The following PTK7 variants were observed in gnomAD, a reference collection of about 807,000 sequenced individuals.
The protein encoded by PTK7 is protein tyrosine kinase 7 (inactive).
In PTK7, 39 loss-of-function variants were observed where a neutral mutation model predicts 116.6. The observed-to-expected ratio is 0.33, with a 90% CI of 0.26 to 0.44. PTK7 has a LOEUF of 0.44. Among genes scored for constraint, PTK7 ranks in the 20% least tolerant of loss-of-function variants. The pLI is 1.00. For missense variants in PTK7, 1,169 were observed against 1,425.6 expected (o/e 0.82, Z 2.90); for synonymous variants, 546 against 563.6 (o/e 0.97, Z 0.44).
chr6:43,103,789 C>T (rs1214676233), intron 1 of PTK7, among the ~76,000 whole-genome samples: 1 of 152,222 alleles, frequency 6.6e-6, no homozygotes, highest in African/African-American at 2.4e-5. Flanking sequence ...GGCAACTATT[C>T]CTGCTCCACC....
intron 1 of PTK7, among the ~76,000 whole-genome samples, chr6:43,084,354 G>A (rs1471406657): frequency 6.6e-6 from 1 of 152,144 alleles, no homozygotes; most frequent in Admixed American, 6.5e-5. Flanking sequence ...TGTTGCCCAG[G>A]CTGGTGTTGA....
chr6:43,146,862 A>C (rs969324752), intron 17 of PTK7, among the ~76,000 whole-genome samples, 164 bp downstream of exon 17: 1 of 152,196 alleles, frequency 6.6e-6, no homozygotes, highest in African/African-American at 2.4e-5. Context: ...ATATACTACT[A>C]TCCCCATTTT....
At chr6:43,091,783 C>T (rs1012351789) in intron 1 of PTK7, among the ~76,000 whole-genome samples, 9 of 152,178 alleles carry the variant, frequency 5.9e-5, no homozygotes, top group Admixed American at 3.9e-4. Flanking sequence ...CACTCCATCC[C>T]GCCCAGGACA....
At chr6:43,116,572 G>A (rs1232855984) in intron 1 of PTK7, among the ~76,000 whole-genome samples, 1 of 151,812 alleles carries the variant, frequency 6.6e-6, no homozygotes, top group Non-Finnish European at 1.5e-5. Context: ...TTGGGCTTGA[G>A]TGGAGGAGGA....
In PTK7 at chr6:43,101,272, G is replaced by A. The variant is rs1767564932; in HGVS notation, c.79+24705G>A. 3.6e-5 allele frequency among the ~76,000 whole-genome samples: 5 copies of A among 137,956 alleles called. No individual in the cohort carries two copies. In the South Asian group the frequency reaches 1.2e-3, roughly 33 times the overall value. The allele number at this position is 137,956 out of a possible 152,430, so 90.5% of individuals were successfully genotyped here. A position where few individuals can be genotyped will look rare whatever the true frequency, so the allele number is the denominator to read the frequency against. On this transcript the variant is annotated intron_variant, in intron 1 of 19. Coordinates refer to ENST00000230419, the MANE Select transcript of PTK7 (RefSeq NM_002821.5). ...GGCTGGGCGCGGTGGAAAGAAAGAG[G>A]CTGGGCGCGGTGGCTCACGCCTGTA...
At position 43,132,571 on chromosome 6, in the gene PTK7, A is replaced by G. The variant is rs779713220; in HGVS notation, c.1112A>G (p.Gln371Arg). The G allele has an allele frequency of 6.2e-7, 1 of 1,613,410 alleles. No individual in the cohort carries two copies. Reference protein sequence around the residue: ...VRLPTHGRVYQKGHELVLANI... With the variant: ...VRLPTHGRVYRKGHELVLANI... ...CTGCCCACCCATGGCAGGGTCTACCAGAAGGGCCACGAGCTGGTGTTGGCC... is the reference window on the plus strand; with the variant it reads ...CTGCCCACCCATGGCAGGGTCTACCGGAAGGGCCACGAGCTGGTGTTGGCC... The change falls in exon 7 of 20, where the codon CAG becomes CGG. Residue 371 changes from glutamine (Q) to arginine (R), a missense_variant. By Grantham distance (43) the Gln-to-Arg change is conservative (BLOSUM62 1). Around this residue, in one of 3 missense-constraint regions of PTK7, gnomAD observed 487 missense variants for 549.8 expected, o/e 0.89. Transcript: ENST00000230419.
At chr6:43,131,030 CACACACACA>C (rs1561966881) in intron 5 of PTK7, among the ~76,000 whole-genome samples, 21 of 9,106 alleles carry the variant, frequency 2.3e-3, no homozygotes, top group African/African-American at 7.2e-3. Context: ...GCAAAGACAT[CACACACACA>C]CACACACACA....
chr6:43,096,042 T>G (rs1767233183), intron 1 of PTK7, among the ~76,000 whole-genome samples: 1 of 152,212 alleles, frequency 6.6e-6, no homozygotes, highest in Non-Finnish European at 1.5e-5. Context: ...CGATTCCATA[T>G]TTGTATCCAC....
At position 43,129,383 on chromosome 6, in the gene PTK7, C is replaced by A; in HGVS notation, c.367+119C>A. 1.6e-6 allele frequency: 2 copies of A among 1,261,910 alleles called. No individual in the cohort carries two copies. Among genetic ancestry groups the A allele is most frequent in the Non-Finnish European group, 2.2e-6 (2 of 918,758 alleles). The allele number at this position is 1,261,910 out of a possible 1,614,324, so 78.2% of individuals were successfully genotyped here. ...CCAGTTAAACGGGCCAGGCAGAATG[C>A]ATTTATCATCAGCTTTTTTTGCTCA... On this transcript the variant is annotated intron_variant, in intron 2 of 19. Transcript: ENST00000230419. The surrounding 1 kb of genome is among the most constrained non-coding windows in gnomAD (Gnocchi z 4.5).
chr6:43,147,353 T>G, intron 17 of PTK7, among the ~76,000 whole-genome samples: 1 of 152,214 alleles, frequency 6.6e-6, no homozygotes, highest in South Asian at 2.1e-4. Context: ...CCCTGCCACC[T>G]CAGTCCATAC....
intron 7 of PTK7, chr6:43,133,849 G>C (rs1235772161): frequency 6.6e-6 from 1 of 152,186 alleles, no homozygotes; most frequent in Non-Finnish European, 1.5e-5. Flanking sequence ...AAGTTGTGAT[G>C]CTAGTATTCC....
intron 5 of PTK7, chr6:43,131,804 T>C (rs889941283): frequency 8.0e-6 from 5 of 624,318 alleles, no homozygotes; most frequent in Non-Finnish European, 1.4e-5. Flanking sequence ...CGAGCTGATC[T>C]CCTGTAGTTG....
At position 43,143,037 on chromosome 6, in the gene PTK7, G is replaced by C. The variant is rs1412063553; in HGVS notation, c.2048-380G>C. The C allele has an allele frequency of 4.8e-6, 1 of 207,880 alleles. No individual in the cohort carries two copies. The highest frequency in any genetic ancestry group is 9.8e-6 in the Non-Finnish European group (1 of 101,900). 12.9% of individuals were successfully genotyped at this position (207,880 alleles called of 1,614,324 possible). ...TTATTGAAAAACCTGCTCTGTGCCAGGCAGTGCCTGGAATTCTAAACCTGA... is the reference window on the plus strand; with the variant it reads ...TTATTGAAAAACCTGCTCTGTGCCACGCAGTGCCTGGAATTCTAAACCTGA... On this transcript the variant is annotated intron_variant, in intron 13 of 19. Transcript: ENST00000230419. The surrounding 1 kb of genome is among the most constrained non-coding windows in gnomAD (Gnocchi z 4.2).
chr6:43,140,533 G>T lies in PTK7; in HGVS notation c.1618+1008G>T, dbSNP rs556569932. Among the ~76,000 whole-genome samples, 3 of 150,766 alleles carry T rather than the reference G, an allele frequency of 2.0e-5. No homozygotes were observed. In the East Asian group the frequency reaches 5.8e-4, roughly 29 times the overall value. On this transcript the variant is annotated intron_variant, in intron 10 of 19. Transcript: ENST00000230419. ...CTTTGGGTGTATGTCTTCTTTTTCT[G>T]TGCATATGTTTTTCTTTTTTTACCT...
intron 7 of PTK7, among the ~76,000 whole-genome samples, chr6:43,136,355 C>G (rs1011549288): frequency 6.6e-6 from 1 of 151,320 alleles, no homozygotes; most frequent in Admixed American, 6.6e-5. Context: ...AAAACCAAAC[C>G]GTAGTGACTT....
rs1473440620 is a variant in PTK7 at position 43,139,974 on chromosome 6, CG to C, written c.1618+450del. ...ACTAAAAATGCAAAAGTTAGCCAGG[CG>C]TGGTGGCACATGCTTGCAATCCCAG... On this transcript the variant is annotated intron_variant, in intron 10 of 19. Coordinates refer to ENST00000230419, the MANE Select transcript of PTK7 (RefSeq NM_002821.5). The surrounding 1 kb of genome is among the most constrained non-coding windows in gnomAD (Gnocchi z 4.6). Among the ~76,000 whole-genome samples the C allele has an allele frequency of 1.3e-5, 2 of 152,082 alleles. No homozygotes were observed. The highest frequency in any genetic ancestry group is 2.4e-5 in the African/African-American group (1 of 41,400).
Position 43,161,696 on chromosome 6 carries a change from TA to T in PTK7, c.*818del, listed in dbSNP as rs1378274532. On this transcript the variant is annotated 3_prime_UTR_variant, in exon 20 of 20. Coordinates refer to ENST00000230419, the MANE Select transcript of PTK7 (RefSeq NM_002821.5). ...TTGTTTTTACACTCGCTGCTCTCAA[TA>T]AATAAGCCTTTTTTACAACCTGTTT... 1 of 152,074 alleles carries T rather than the reference TA, an allele frequency of 6.6e-6. No individual in the cohort carries two copies. The highest frequency in any genetic ancestry group is 1.9e-4 in the East Asian group (1 of 5,172). 9.4% of individuals were successfully genotyped at this position (152,074 alleles called of 1,614,324 possible). A position where few individuals can be genotyped will look rare whatever the true frequency, so the allele number is the denominator to read the frequency against.
In PTK7 at chr6:43,139,355, T is replaced by C; in HGVS notation, c.1499-51T>C. 1 of 1,613,828 alleles carries C rather than the reference T, an allele frequency of 6.2e-7. No homozygotes were observed. Among genetic ancestry groups the C allele is most frequent in the Non-Finnish European group, 8.5e-7 (1 of 1,179,788 alleles). ...GGGAGCAGCAGGCCTGGCCACGGCC[T>C]CTCCAGCGGCCCCAATTCCTCGTCT... On this transcript the variant is annotated intron_variant, in intron 9 of 19. Coordinates refer to ENST00000230419, the MANE Select transcript of PTK7 (RefSeq NM_002821.5). This position sits in a 1 kb window ranked among gnomAD's most constrained non-coding sequence, Gnocchi z 4.6.
At chr6:43,088,528 A>C (rs551463339) in intron 1 of PTK7, among the ~76,000 whole-genome samples, 1 of 151,886 alleles carries the variant, frequency 6.6e-6, no homozygotes, top group Admixed American at 6.6e-5. Context: ...CCCAGTCTCC[A>C]CTAAAAACAC....
Sources: gnomAD v4.1 joint callset for allele counts (sites outside exome capture counted in the v4.1 genomes callset) on GRCh38, gnomAD v4.1.1 for gene constraint, gnomAD v4.1.1 regional missense constraint, Gnocchi (gnomAD v3.1) non-coding constraint, MANE v1.5 for transcripts, NCBI Gene and HGNC (gene_info 2026-07-23, HGNC 2026-07-21) for gene names.